Variants in CELF2 observed in about 807,000 individuals in gnomAD.
CELF2 encodes CUGBP Elav-like family member 2.
CELF2 carries 8 observed loss-of-function variants against 62.6 expected under a neutral mutation model. That is an observed-to-expected ratio of 0.13 (90% CI 0.07 to 0.23). The LOEUF is 0.23. Among genes scored for constraint, CELF2 ranks in the 10% least tolerant of loss-of-function variants. The pLI is 1.00. For synonymous variants in CELF2, 258 were observed against 250.0 expected, an observed-to-expected ratio of 1.03 and a Z score of -0.30; for missense variants, 333 against 671.0, an observed-to-expected ratio of 0.50 and a Z score of 5.56.
At chr10:10,666,161 C>T in the CELF2 span, among the ~76,000 whole-genome samples, 1 of 152,192 alleles carries the variant, frequency 6.6e-6, no homozygotes, top group Non-Finnish European at 1.5e-5. Flanking sequence ...AAATTTCATT[C>T]TTTCCATTCA....
chr10:10,638,428 G>A, the CELF2 span, among the ~76,000 whole-genome samples: 85 of 152,222 alleles, frequency 5.6e-4, no homozygotes, highest in African/African-American at 2.0e-3. Context: ...TCACATAGTG[G>A]GATAATCAGA....
chr10:11,093,435 T>C (rs1274500502), intron 1 of CELF2, among the ~76,000 whole-genome samples: 1 of 152,148 alleles, frequency 6.6e-6, no homozygotes, highest in Non-Finnish European at 1.5e-5. Context: ...AGTCAATCTG[T>C]GGCATGCAAA....
chr10:10,465,617 G>T, the CELF2 span, among the ~76,000 whole-genome samples: 2 of 152,054 alleles, frequency 1.3e-5, no homozygotes, highest in African/African-American at 4.8e-5. Flanking sequence ...GTGTCAGGAG[G>T]TATCAAGTCT....
chr10:10,575,487 T>C, the CELF2 span, among the ~76,000 whole-genome samples: 1 of 152,224 alleles, frequency 6.6e-6, no homozygotes, highest in African/African-American at 2.4e-5. Flanking sequence ...GTTTTTCTTT[T>C]GTTGAGTGTG....
chr10:10,723,220 T>C, the CELF2 span, among the ~76,000 whole-genome samples: 1 of 152,308 alleles, frequency 6.6e-6, no homozygotes, highest in African/African-American at 2.4e-5. Flanking sequence ...GTCGTTGTTG[T>C]TTTAATGGGA....
chr10:11,236,656 G>A lies in CELF2; in HGVS notation c.355-12497G>A, dbSNP rs2071418480. 2.6e-5 allele frequency among the ~76,000 whole-genome samples: 4 copies of A among 152,184 alleles called. No homozygotes were observed. In the South Asian group the frequency reaches 8.3e-4, roughly 31 times the overall value. ...GTTTCATTCGTATGCAATATATAAG[G>A]TTGAACCATATGAAACGGTCACTAT... On this transcript the variant is annotated intron_variant, in intron 3 of 12. Transcript: ENST00000633077.
rs72121252 is a variant in CELF2 at position 10,932,676 on chromosome 10, ATG to A, written c.89+12695_89+12696del. On this transcript the variant is annotated intron_variant, in intron 2 of 13. Transcript: ENST00000636488. ...CATGATAAAGTAAATATGTATGTGT[ATG>A]TGTGTGTGTGTGTGTGTATATATAT... is the stretch of plus-strand genomic sequence containing the variant. Among the ~76,000 whole-genome samples, 18 of 150,792 alleles carry A rather than the reference ATG, an allele frequency of 1.2e-4. No homozygotes were observed. The East Asian group carries it at 1.6e-3, about 13-fold the overall frequency.
In CELF2 at chr10:10,929,698, A is replaced by G. The variant is rs549415879; in HGVS notation, c.89+9699A>G. 2.0e-5 allele frequency: 3 copies of G among 152,358 alleles called. No individual in the cohort carries two copies. In the South Asian group the frequency reaches 6.2e-4, roughly 32 times the overall value. The allele number at this position is 152,358 out of a possible 1,614,324, so 9.4% of individuals were successfully genotyped here. ...ATAGGGCCAGCTGTTCTGACAAGTA[A>G]GTGAAATGATACCCGTAAAGTGCTT... is the stretch of plus-strand genomic sequence containing the variant. On this transcript the variant is annotated intron_variant, in intron 2 of 13. Transcript: ENST00000636488.
the CELF2 span, among the ~76,000 whole-genome samples, chr10:10,748,773 A>AG: frequency 5.4e-5 from 8 of 146,958 alleles, no homozygotes; most frequent in African/African-American, 1.8e-4. Context: ...AAAAAAAAAA[A>AG]GAATTCTCTC....
At chr10:10,615,453 T>C in the CELF2 span, among the ~76,000 whole-genome samples, 1 of 152,108 alleles carries the variant, frequency 6.6e-6, no homozygotes. Flanking sequence ...TTTAGTGCCA[T>C]GTTTTCCACA....
the CELF2 span, among the ~76,000 whole-genome samples, chr10:10,782,155 G>A: frequency 5.3e-5 from 8 of 152,114 alleles, no homozygotes; most frequent in African/African-American, 1.9e-4. Context: ...GGATCCCAAG[G>A]GACAACTGTA....
chr10:10,678,562 T>A, the CELF2 span, among the ~76,000 whole-genome samples: 1 of 152,190 alleles, frequency 6.6e-6, no homozygotes, highest in Non-Finnish European at 1.5e-5. Flanking sequence ...AGTCAATGTG[T>A]TAGTGCACGA....
intron 1 of CELF2, among the ~76,000 whole-genome samples, chr10:11,163,289 C>T (rs1484744097): frequency 3.3e-5 from 5 of 152,184 alleles, no homozygotes; most frequent in Non-Finnish European, 5.9e-5. Context: ...TTCTGTTAGC[C>T]GAGACCTGTG....
rs1049969949 is a variant in CELF2, at chr10:11,333,565, AAAC to A, written c.*4513_*4515del. On this transcript the variant is annotated 3_prime_UTR_variant, in exon 13 of 13. Coordinates refer to ENST00000633077, the MANE Select transcript of CELF2 (RefSeq NM_001326342.2). ...TTAAAAAAAAAATAAAATTTTAAAAAAACCTGTAGTTTCATTACCTTTTTGAAT... is the reference window on the plus strand; with the variant it reads ...TTAAAAAAAAAATAAAATTTTAAAAACTGTAGTTTCATTACCTTTTTGAAT... The A allele has an allele frequency of 1.3e-5, 2 of 152,390 alleles. No individual in the cohort carries two copies. Among genetic ancestry groups the A allele is most frequent in the South Asian group, 2.1e-4 (1 of 4,838 alleles). 9.4% of individuals were successfully genotyped at this position (152,390 alleles called of 1,614,324 possible). A position where few individuals can be genotyped will look rare whatever the true frequency, so the allele number is the denominator to read the frequency against.
intron 1 of CELF2, among the ~76,000 whole-genome samples, chr10:11,072,116 A>G (rs2070240713): frequency 6.6e-6 from 1 of 152,200 alleles, no homozygotes; most frequent in Admixed American, 6.5e-5. Context: ...AACAGAGGAA[A>G]GTTGATAGAG....
upstream of CELF2, chr10:11,005,263 A>AGAGAGAGAGAGG (rs2055007513): frequency 8.0e-7 from 1 of 1,245,022 alleles, no homozygotes; most frequent in African/African-American, 2.1e-5. The surrounding 1 kb of genome is among the most constrained non-coding windows in gnomAD (Gnocchi z 4.3). Context: ...AGGGAGAGAG[A>AGAGAGAGAGAGG]GAGAGAGAGA....
chr10:10,838,913 G>A (rs573137288), intron 1 of CELF2, among the ~76,000 whole-genome samples: 2 of 152,192 alleles, frequency 1.3e-5, no homozygotes, highest in African/African-American at 2.4e-5. Context: ...GCCGAGGCGG[G>A]CAGGTCACGA....
At chr10:11,105,090 A>G (rs923108260) in intron 1 of CELF2, among the ~76,000 whole-genome samples, 2 of 152,268 alleles carry the variant, frequency 1.3e-5, no homozygotes, top group Non-Finnish European at 2.9e-5. Flanking sequence ...CAGTGATTCA[A>G]AACATACCGG....
At chr10:10,817,025 C>T (rs2056522699) in intron 1 of CELF2, among the ~76,000 whole-genome samples, 1 of 152,134 alleles carries the variant, frequency 6.6e-6, no homozygotes, top group South Asian at 2.1e-4. Flanking sequence ...GACTTGGAAG[C>T]TGAGCCTGGA....
Sources: gnomAD v4.1 joint callset for allele counts (sites outside exome capture counted in the v4.1 genomes callset) on GRCh38, gnomAD v4.1.1 for gene constraint, Gnocchi (gnomAD v3.1) non-coding constraint, MANE v1.5 for transcripts, NCBI Gene and HGNC (gene_info 2026-07-23, HGNC 2026-07-21) for gene names.